The following SNAPC1 variants were observed in gnomAD, a reference collection of about 807,000 sequenced individuals.
The protein encoded by SNAPC1 is small nuclear RNA activating complex polypeptide 1, also known as snRNA-activating protein complex subunit 1.
SNAPC1 carries 42 observed loss-of-function variants against 50.1 expected under a neutral mutation model. The ratio of observed to expected loss-of-function variants is 0.84; its 90% CI spans 0.65 to 1.08. The LOEUF is 1.08. SNAPC1 is among the 50% of genes least tolerant of loss of function. SNAPC1 has a pLI of 0.00. For missense variants in SNAPC1, 477 were observed against 427.3 expected, an observed-to-expected ratio of 1.12 and a Z score of -1.02; for synonymous variants, 164 against 144.2, an observed-to-expected ratio of 1.14 and a Z score of -0.98.
At chr14:61,778,162 T>C in intron 6 of SNAPC1, 22 bp downstream of exon 6, 1 of 1,459,912 alleles carries the variant, frequency 6.8e-7, no homozygotes, top group African/African-American at 1.4e-5. Context: ...TTGCAATTCA[T>C]ATTATGTGTG....
chr14:61,766,255 T>C (rs1452364974), intron 1 of SNAPC1, among the ~76,000 whole-genome samples: 1 of 152,242 alleles, frequency 6.6e-6, no homozygotes, highest in African/African-American at 2.4e-5. Flanking sequence ...TATTTAAAAG[T>C]GTTTTTACCT....
intron 9 of SNAPC1, 51 bp from the exon 10 acceptor site, chr14:61,794,898 G>GTT (rs746063173): frequency 3.4e-5 from 39 of 1,160,030 alleles, no homozygotes; most frequent in Admixed American, 8.1e-5. Flanking sequence ...TTTTTTGTTT[G>GTT]TTTTTTTTTT....
chr14:61,763,656 G>GT (rs950820462), intron 1 of SNAPC1, among the ~76,000 whole-genome samples: 3 of 152,100 alleles, frequency 2.0e-5, no homozygotes, highest in African/African-American at 7.2e-5. Flanking sequence ...CGCTGTTCAT[G>GT]TTTTTTCCCC....
In SNAPC1 at chr14:61,768,624, A is replaced by C. The variant is rs201451059; in HGVS notation, c.430-12A>C. On this transcript the variant is annotated splice_polypyrimidine_tract_variant and intron_variant, in intron 3 of 9. Coordinates refer to ENST00000216294, the MANE Select transcript of SNAPC1 (RefSeq NM_003082.4). ...AAGATACTCATTTAAAAAGACACGT[A>C]TTATCACATAGCTGTCATATAGGAT... 2.9e-6 allele frequency: 4 copies of C among 1,385,572 alleles called. No homozygotes were observed. The highest frequency in any genetic ancestry group is 4.1e-6 in the Non-Finnish European group (4 of 977,862). 85.8% of individuals were successfully genotyped at this position (1,385,572 alleles called of 1,614,324 possible).
intron 8 of SNAPC1, among the ~76,000 whole-genome samples, chr14:61,785,410 CAA>C (rs963783147): frequency 1.4e-5 from 2 of 144,918 alleles, no homozygotes. Context: ...AATTCTGTCT[CAA>C]AAAAAAAAGA....
At chr14:61,764,047 G>A (rs780729079) in intron 1 of SNAPC1, among the ~76,000 whole-genome samples, 7 of 152,060 alleles carry the variant, frequency 4.6e-5, no homozygotes, top group Non-Finnish European at 1.0e-4. Context: ...AGATTCTCCT[G>A]CCTCAGCCTC....
chr14:61,763,181 C>G (rs1243391109), intron 1 of SNAPC1, among the ~76,000 whole-genome samples: 4 of 151,596 alleles, frequency 2.6e-5, no homozygotes, highest in South Asian at 2.1e-4. Context: ...TTAGTAGAGA[C>G]GGGGTTTTAC....
intron 1 of SNAPC1, among the ~76,000 whole-genome samples, chr14:61,766,434 C>T (rs1371656108): frequency 2.6e-5 from 4 of 152,196 alleles, no homozygotes; most frequent in Admixed American, 6.5e-5. Flanking sequence ...AAACTGCTGG[C>T]GACTGTACCC....
rs560694589 is a variant in SNAPC1 at position 61,796,334 on chromosome 14, T to G, written c.*1351T>G. 3 of 149,504 alleles carry G rather than the reference T, an allele frequency of 2.0e-5. No homozygotes were observed. The highest frequency in any genetic ancestry group is 2.0e-4 in the Admixed American group (3 of 15,088). 9.3% of individuals were successfully genotyped at this position (149,504 alleles called of 1,614,324 possible). ...ACTTCGTCTCAAAAAAAAAAAAAAG[T>G]TTGGGTTGAAGATCAAATTCGTGAT... On this transcript the variant is annotated 3_prime_UTR_variant, in exon 10 of 10. Transcript: ENST00000216294.
chr14:61,767,534 G>A (rs1424508321), intron 3 of SNAPC1, among the ~76,000 whole-genome samples, 182 bp downstream of exon 3: 1 of 151,880 alleles, frequency 6.6e-6, no homozygotes, highest in East Asian at 1.9e-4. Context: ...CACCATCTCG[G>A]CTGACTGCAA....
chr14:61,765,579 T>G (rs989230880), intron 1 of SNAPC1, among the ~76,000 whole-genome samples: 7 of 152,192 alleles, frequency 4.6e-5, no homozygotes, highest in Non-Finnish European at 8.8e-5. Flanking sequence ...TTCTTTTGAG[T>G]TTCTGATTAG....
Position 61,795,103 on chromosome 14 carries a change from T to C in SNAPC1, c.*120T>C, listed in dbSNP as rs1054886162. 2 of 634,190 alleles carry C rather than the reference T, an allele frequency of 3.2e-6. No homozygotes were observed. Among genetic ancestry groups the C allele is most frequent in the African/African-American group, 3.8e-5 (2 of 52,830 alleles). 39.3% of individuals were successfully genotyped at this position (634,190 alleles called of 1,614,324 possible). On this transcript the variant is annotated 3_prime_UTR_variant, in exon 10 of 10. Transcript: ENST00000216294. ...AAAATCCTTCTGGGAATCTGTAGGT[T>C]ATTTCTTGGAAATTGCAATACGTAG...
At chr14:61,768,225 T>C (rs2044963110) in intron 3 of SNAPC1, among the ~76,000 whole-genome samples, 1 of 152,286 alleles carries the variant, frequency 6.6e-6, no homozygotes, top group South Asian at 2.1e-4. Flanking sequence ...AGATTTGGCA[T>C]CTGCATTTGC....
chr14:61,795,217 A>C lies in SNAPC1; in HGVS notation c.*234A>C. ...ATAAATGGAGATAAAACTTGTATTT[A>C]GTATGTAATAGAAAAAATTCTGTTA... On this transcript the variant is annotated 3_prime_UTR_variant, in exon 10 of 10. Transcript: ENST00000216294. 2.2e-6 allele frequency: 1 copy of C among 459,326 alleles called. No individual in the cohort carries two copies. Among genetic ancestry groups the C allele is most frequent in the Admixed American group, 4.0e-5 (1 of 25,110 alleles). The allele number at this position is 459,326 out of a possible 1,614,324, so 28.5% of individuals were successfully genotyped here. A position where few individuals can be genotyped will look rare whatever the true frequency, so the allele number is the denominator to read the frequency against.
chr14:61,791,613 T>C (rs10132548), intron 8 of SNAPC1, among the ~76,000 whole-genome samples: 53,442 of 151,932 alleles, frequency 0.35, 9,946 homozygotes, highest in African/African-American at 0.46. Flanking sequence ...TTTGGGAGGT[T>C]GAGGCAGGTG....
At chr14:61,780,902 A>T (rs1379862564) in intron 7 of SNAPC1, among the ~76,000 whole-genome samples, 1 of 152,122 alleles carries the variant, frequency 6.6e-6, no homozygotes, top group South Asian at 2.1e-4. Flanking sequence ...AAAAAAATGC[A>T]TCTGTACCAA....
chr14:61,774,648 A>ATTTT (rs35300490), intron 4 of SNAPC1, among the ~76,000 whole-genome samples: 1,104 of 90,746 alleles, frequency 0.012, 82 homozygotes, highest in Non-Finnish European at 0.019. Context: ...TCAGTTTCTC[A>ATTTT]TTTTTTTTTT....
chr14:61,770,056 T>C (rs2044976532), intron 4 of SNAPC1, among the ~76,000 whole-genome samples: 1 of 152,206 alleles, frequency 6.6e-6, no homozygotes, highest in Non-Finnish European at 1.5e-5. Flanking sequence ...GTTCTGCAAA[T>C]TGAAATGAGG....
At chr14:61,788,340 A>G (rs2045129210) in intron 8 of SNAPC1, among the ~76,000 whole-genome samples, 1 of 152,254 alleles carries the variant, frequency 6.6e-6, no homozygotes, top group Admixed American at 6.5e-5. Context: ...TCATTAATCA[A>G]ACGTTCATTT....
Sources: allele counts gnomAD v4.1 joint callset (sites outside exome capture counted in the v4.1 genomes callset), GRCh38; gene constraint gnomAD v4.1.1; transcripts MANE v1.5; gene names NCBI Gene and HGNC (gene_info 2026-07-23, HGNC 2026-07-21).